Variants in IMMP2L observed in about 807,000 individuals in gnomAD.
IMMP2L encodes the protein inner mitochondrial membrane peptidase subunit 2.
A neutral mutation model predicts 19.3 loss-of-function variants in IMMP2L; 18 were observed. That is an observed-to-expected ratio of 0.93 (90% CI 0.64 to 1.38). The LOEUF is 1.38. Among genes scored for constraint, IMMP2L ranks in the 40% most tolerant of loss-of-function variants. IMMP2L has a pLI of 0.00. For missense variants in IMMP2L, 233 were observed against 218.2 expected (o/e 1.07, Z -0.43); for synonymous variants, 76 against 73.0 (o/e 1.04, Z -0.21).
At chr7:110,862,428 C>T (rs1260423898) in intron 5 of IMMP2L, among the ~76,000 whole-genome samples, 2 of 151,812 alleles carry the variant, frequency 1.3e-5, no homozygotes, top group Non-Finnish European at 2.9e-5. Context: ...CAGCCTCAAA[C>T]TCCTGGGCTC....
intron 5 of IMMP2L, among the ~76,000 whole-genome samples, chr7:110,723,248 G>C (rs1469936017): frequency 6.6e-6 from 1 of 152,128 alleles, no homozygotes; most frequent in Non-Finnish European, 1.5e-5. Flanking sequence ...CAGAAGTTAT[G>C]CATGTGTGTA....
At chr7:111,120,393 C>T (rs1165030728) in intron 3 of IMMP2L, among the ~76,000 whole-genome samples, 2 of 152,122 alleles carry the variant, frequency 1.3e-5, no homozygotes, top group East Asian at 3.9e-4. Flanking sequence ...GACATTTCCC[C>T]TATAAAAACA....
intron 4 of IMMP2L, among the ~76,000 whole-genome samples, chr7:110,898,602 C>G (rs1811556841): frequency 6.6e-6 from 1 of 152,080 alleles, no homozygotes. Context: ...AACAAAAACA[C>G]AAACACAAAA....
intron 3 of IMMP2L, among the ~76,000 whole-genome samples, chr7:111,463,483 T>C (rs1440603710): frequency 6.6e-6 from 1 of 152,080 alleles, no homozygotes; most frequent in Non-Finnish European, 1.5e-5. Context: ...AGGCACCTGT[T>C]CAAGATCACA....
At chr7:111,372,556 C>T (rs1830348576) in intron 3 of IMMP2L, among the ~76,000 whole-genome samples, 1 of 151,956 alleles carries the variant, frequency 6.6e-6, no homozygotes, top group Non-Finnish European at 1.5e-5. Flanking sequence ...AGAGATGGAG[C>T]TGACTGCCTG....
intron 4 of IMMP2L, among the ~76,000 whole-genome samples, chr7:110,953,255 T>A (rs1818017113): frequency 6.6e-6 from 1 of 152,094 alleles, no homozygotes; most frequent in African/African-American, 2.4e-5. Flanking sequence ...CCATGGTGGT[T>A]TGCTGCAACC....
rs111432225 is a variant in IMMP2L at position 111,458,381 on chromosome 7, G to GA, written c.239+28856dup. 2.9e-3 allele frequency among the ~76,000 whole-genome samples: 417 copies of GA among 142,216 alleles called. 2 individuals carry two copies. The highest frequency in any genetic ancestry group is 8.0e-3 in the African/African-American group (313 of 39,264). 93.3% of individuals were successfully genotyped at this position (142,216 alleles called of 152,430 possible). A position where few individuals can be genotyped will look rare whatever the true frequency, so the allele number is the denominator to read the frequency against. ...GCATCAGAACAAGACACCATCTCAA[G>GA]AAAAAAAAAAACTTATGGAATGCTA... On this transcript the variant is annotated intron_variant, in intron 3 of 5. Transcript: ENST00000405709.
At chr7:111,110,482 C>A (rs796330086) in intron 3 of IMMP2L, among the ~76,000 whole-genome samples, 29 of 152,230 alleles carry the variant, frequency 1.9e-4, no homozygotes, top group African/African-American at 7.0e-4. Context: ...TAACCAGTGT[C>A]ATGAATTAGA....
chr7:110,771,057 G>A (rs540701997), intron 5 of IMMP2L, among the ~76,000 whole-genome samples: 52 of 152,202 alleles, frequency 3.4e-4, no homozygotes, highest in African/African-American at 1.2e-3. Context: ...AGGAAAAGGG[G>A]GAAGACAATG....
At chr7:110,879,242 T>G (rs1458707507) in intron 5 of IMMP2L, among the ~76,000 whole-genome samples, 1 of 151,882 alleles carries the variant, frequency 6.6e-6, no homozygotes, top group Non-Finnish European at 1.5e-5. Flanking sequence ...AATGCAAAAA[T>G]TAGCCTGCTG....
chr7:111,056,981 A>T (rs980028879), intron 3 of IMMP2L, among the ~76,000 whole-genome samples: 1 of 152,230 alleles, frequency 6.6e-6, no homozygotes, highest in Non-Finnish European at 1.5e-5. Flanking sequence ...AAATTTACTT[A>T]AGAGTTTAAC....
chr7:110,989,469 C>T (rs556674062), intron 3 of IMMP2L, among the ~76,000 whole-genome samples: 7 of 146,062 alleles, frequency 4.8e-5, no homozygotes, highest in Admixed American at 2.1e-4. Flanking sequence ...ATCAGGTGAG[C>T]CTAGGAGGTC....
At chr7:110,885,725 A>G (rs1810154177) in intron 5 of IMMP2L, among the ~76,000 whole-genome samples, 1 of 152,054 alleles carries the variant, frequency 6.6e-6, no homozygotes, top group Non-Finnish European at 1.5e-5. Context: ...AAGGCACTTG[A>G]CAAACAGCAG....
intron 1 of IMMP2L, among the ~76,000 whole-genome samples, chr7:111,526,837 G>A (rs984528143): frequency 5.3e-5 from 8 of 152,296 alleles, no homozygotes; most frequent in African/African-American, 1.9e-4. Flanking sequence ...CAAAACAGCT[G>A]AGGATACCTG....
intron 5 of IMMP2L, among the ~76,000 whole-genome samples, chr7:110,801,605 G>C (rs1178476023): frequency 6.6e-6 from 1 of 151,994 alleles, no homozygotes; most frequent in East Asian, 1.9e-4. Flanking sequence ...GGAATTGATA[G>C]GTTTAAGAAT....
chr7:110,704,837 T>C (rs1264546596), intron 5 of IMMP2L, among the ~76,000 whole-genome samples: 2 of 152,190 alleles, frequency 1.3e-5, no homozygotes, highest in Admixed American at 6.5e-5. Context: ...TCTTTCTTCA[T>C]CCTGTTTGTC....
intron 1 of IMMP2L, among the ~76,000 whole-genome samples, chr7:111,536,630 C>T (rs996601104): frequency 1.3e-5 from 2 of 151,976 alleles, no homozygotes; most frequent in African/African-American, 4.8e-5. Flanking sequence ...TAAAATAAGT[C>T]CCCTTTATGA....
chr7:110,778,118 A>G (rs1434375752), intron 5 of IMMP2L, among the ~76,000 whole-genome samples: 1 of 152,000 alleles, frequency 6.6e-6, no homozygotes, highest in African/African-American at 2.4e-5. Context: ...TAGGAGCTGA[A>G]AAATATTTTG....
chr7:111,538,711 G>A (rs1030724628), intron 1 of IMMP2L, among the ~76,000 whole-genome samples: 3 of 147,880 alleles, frequency 2.0e-5, no homozygotes, highest in African/African-American at 7.5e-5. Flanking sequence ...TCAGGAGGCT[G>A]AGGTGGGAGG....
Sources: gnomAD v4.1 joint callset for allele counts (sites outside exome capture counted in the v4.1 genomes callset) on GRCh38, gnomAD v4.1.1 for gene constraint, MANE v1.5 for transcripts, NCBI Gene and HGNC (gene_info 2026-07-23, HGNC 2026-07-21) for gene names.